Variants in TMTC3 observed in about 807,000 individuals in gnomAD.
TMTC3 encodes transmembrane O-mannosyltransferase targeting cadherins 3.
A neutral mutation model predicts 92.2 loss-of-function variants in TMTC3; 52 were observed. That is an observed-to-expected ratio of 0.56 (90% CI 0.45 to 0.71). The LOEUF (loss-of-function observed/expected upper bound fraction) is 0.71, where lower values mean the gene tolerates loss of function less well. Among genes scored for constraint, TMTC3 ranks in the 30% least tolerant of loss-of-function variants. The pLI is 0.00. For synonymous variants in TMTC3, 339 were observed against 363.3 expected, an observed-to-expected ratio of 0.93 and a Z score of 0.76; for missense variants, 896 against 1,057.1, an observed-to-expected ratio of 0.85 and a Z score of 2.11.
rs1463464665 is a variant in TMTC3 at position 88,166,583 on chromosome 12, G to T, written c.1050+1G>T. ...TGATTCCTCCAAGACTGTTTTAATG[G>T]TAAGAAACTTTTCTTAACTTCCAAA... On this transcript the variant is annotated splice_donor_variant, in intron 7 of 13. Coordinates refer to ENST00000266712, the MANE Select transcript of TMTC3 (RefSeq NM_181783.4). LOFTEE classifies it high-confidence loss of function. 6.2e-7 allele frequency: 1 copy of T among 1,606,190 alleles called. No homozygotes were observed. The highest frequency in any genetic ancestry group is 8.5e-7 in the Non-Finnish European group (1 of 1,177,320).
intron 7 of TMTC3, among the ~76,000 whole-genome samples, chr12:88,171,490 A>G (rs1441211743): frequency 6.6e-6 from 1 of 152,016 alleles, no homozygotes; most frequent in Non-Finnish European, 1.5e-5. Context: ...TTCTCTTAAC[A>G]TGGTGTCCTC....
At chr12:88,187,534 C>G (rs2041391961) in intron 10 of TMTC3, among the ~76,000 whole-genome samples, 1 of 151,946 alleles carries the variant, frequency 6.6e-6, no homozygotes. Flanking sequence ...TTGCTTGACC[C>G]CTCCTGGCTC....
In TMTC3 at chr12:88,198,440, C is replaced by T. The variant is rs2041540753; in HGVS notation, c.*2791C>T. 1 of 397,982 alleles carries T rather than the reference C, an allele frequency of 2.5e-6. No homozygotes were observed. The highest frequency in any genetic ancestry group is 2.1e-5 in the African/African-American group (1 of 48,608). 24.7% of individuals were successfully genotyped at this position (397,982 alleles called of 1,614,324 possible). A position where few individuals can be genotyped will look rare whatever the true frequency, so the allele number is the denominator to read the frequency against. ...GACAATCCCCAAGGGGCAGTGTTAC[C>T]TTACTCCTTCACTGCTTCTTAGAAG... On this transcript the variant is annotated 3_prime_UTR_variant, in exon 14 of 14. Coordinates refer to ENST00000266712, the MANE Select transcript of TMTC3 (RefSeq NM_181783.4).
chr12:88,160,918 T>C, intron 6 of TMTC3, 67 bp downstream of exon 6: 3 of 1,430,456 alleles, frequency 2.1e-6, no homozygotes, highest in Non-Finnish European at 2.8e-6. Flanking sequence ...TGATCATAAA[T>C]GTTGAAGAAA....
At chr12:88,163,604 G>C (rs1489619490) in intron 6 of TMTC3, among the ~76,000 whole-genome samples, 1 of 152,118 alleles carries the variant, frequency 6.6e-6, no homozygotes, top group Admixed American at 6.5e-5. Flanking sequence ...GCTGGTTTCT[G>C]GTGGTTGCTA....
At position 88,196,816 on chromosome 12, in the gene TMTC3, A is replaced by T. The variant is rs575467035; in HGVS notation, c.*1167A>T. On this transcript the variant is annotated 3_prime_UTR_variant, in exon 14 of 14. Transcript: ENST00000266712. ...ATGCATATATTATGGATTAACCAGA[A>T]TTGTATCATTTTTGGCCTAATGTCT... is the stretch of plus-strand genomic sequence containing the variant. 7.2e-5 allele frequency: 11 copies of T among 151,978 alleles called. No individual in the cohort carries two copies. Among genetic ancestry groups the T allele is most frequent in the African/African-American group, 2.4e-4 (10 of 41,552 alleles). The allele number at this position is 151,978 out of a possible 1,614,324, so 9.4% of individuals were successfully genotyped here.
chr12:88,150,378 C>T (rs1425140798), intron 2 of TMTC3, among the ~76,000 whole-genome samples: 1 of 152,140 alleles, frequency 6.6e-6, no homozygotes, highest in Non-Finnish European at 1.5e-5. Context: ...CATTTCCCAC[C>T]AGGCCCCACT....
intron 2 of TMTC3, among the ~76,000 whole-genome samples, chr12:88,148,831 G>A (rs955060323): frequency 1.3e-4 from 19 of 151,654 alleles, no homozygotes; most frequent in African/African-American, 4.4e-4. Context: ...GTACCAATCT[G>A]TCACCCAGAC....
intron 12 of TMTC3, among the ~76,000 whole-genome samples, chr12:88,191,769 G>A (rs1212921997): frequency 6.6e-6 from 1 of 152,022 alleles, no homozygotes; most frequent in African/African-American, 2.4e-5. Context: ...GAGTGCAGTG[G>A]TGTGATCTCG....
intron 10 of TMTC3, among the ~76,000 whole-genome samples, chr12:88,181,459 A>G (rs533214681): frequency 2.0e-5 from 3 of 152,024 alleles, no homozygotes; most frequent in Non-Finnish European, 4.4e-5. Flanking sequence ...AAGTTTCTTC[A>G]GTTTTGGTGG....
chr12:88,182,699 A>G (rs906746451), intron 10 of TMTC3, among the ~76,000 whole-genome samples: 11 of 152,138 alleles, frequency 7.2e-5, no homozygotes, highest in African/African-American at 2.4e-4. Flanking sequence ...TCATCTATAA[A>G]ATGAATAATC....
At chr12:88,160,002 TTAA>T in intron 4 of TMTC3, 109 bp from the exon 5 acceptor site, 1 of 618,010 alleles carries the variant, frequency 1.6e-6, no homozygotes. Context: ...GTACTACTAA[TTAA>T]TGAGAAATAG....
intron 11 of TMTC3, 57 bp from the exon 12 acceptor site, chr12:88,190,396 C>T: frequency 6.6e-7 from 1 of 1,518,528 alleles, no homozygotes; most frequent in South Asian, 1.2e-5. Context: ...GGAATATGTA[C>T]TTTTGATTTT....
chr12:88,173,220 G>A (rs561265326), intron 8 of TMTC3: 1 of 521,996 alleles, frequency 1.9e-6, no homozygotes, highest in East Asian at 7.0e-5. Flanking sequence ...GAACAGCATA[G>A]TCACACTGTA....
intron 1 of TMTC3, among the ~76,000 whole-genome samples, chr12:88,143,962 A>G (rs1369435058): frequency 6.6e-6 from 1 of 152,176 alleles, no homozygotes; most frequent in African/African-American, 2.4e-5. Flanking sequence ...ACTTCTTCAC[A>G]TTGCCATGGC....
At chr12:88,162,772 GCTT>G (rs2041094712) in intron 6 of TMTC3, among the ~76,000 whole-genome samples, 1 of 151,846 alleles carries the variant, frequency 6.6e-6, no homozygotes. Context: ...GTATTTCTCT[GCTT>G]CTTTGCATGT....
At chr12:88,182,771 T>C (rs2041332476) in intron 10 of TMTC3, among the ~76,000 whole-genome samples, 1 of 152,162 alleles carries the variant, frequency 6.6e-6, no homozygotes, top group Non-Finnish European at 1.5e-5. Context: ...TACTGACACA[T>C]GGTAGGACTG....
At chr12:88,173,326 C>A (rs1224616329) in intron 8 of TMTC3, among the ~76,000 whole-genome samples, 1 of 151,898 alleles carries the variant, frequency 6.6e-6, no homozygotes, top group African/African-American at 2.4e-5. Flanking sequence ...TGTTAAAGGT[C>A]AAGTAATACT....
At chr12:88,177,118 G>A (rs1244663776) in intron 10 of TMTC3, among the ~76,000 whole-genome samples, 5 of 152,014 alleles carry the variant, frequency 3.3e-5, no homozygotes, top group Admixed American at 2.6e-4. Context: ...TTGAGGTCAG[G>A]AGTTTGAGAC....
Sources: gnomAD v4.1 joint callset for allele counts (sites outside exome capture counted in the v4.1 genomes callset) on GRCh38, gnomAD v4.1.1 for gene constraint, MANE v1.5 for transcripts, NCBI Gene and HGNC (gene_info 2026-07-23, HGNC 2026-07-21) for gene names.